Variants in COMMD7 observed in about 807,000 individuals in gnomAD.
COMMD7 encodes the protein COMM domain containing 7.
In COMMD7, 28 loss-of-function variants were observed where a neutral mutation model predicts 34.8. The ratio of observed to expected loss-of-function variants is 0.80; its 90% confidence interval spans 0.60 to 1.10. The LOEUF (loss-of-function observed/expected upper bound fraction) is 1.10, where lower values mean the gene tolerates loss of function less well. Among genes scored for constraint, COMMD7 ranks in the 50% least tolerant of loss-of-function variants. The pLI, the probability that COMMD7 is intolerant of heterozygous loss-of-function variation, is 0.00. For synonymous variants in COMMD7, 80 were observed against 86.4 expected (o/e 0.93, Z 0.41); for missense variants, 211 against 241.6 (o/e 0.87, Z 0.84).
chr20:32,725,650 G>A (rs1350697055), intron 3 of COMMD7, among the ~76,000 whole-genome samples: 3 of 151,972 alleles, frequency 2.0e-5, no homozygotes, highest in Non-Finnish European at 2.9e-5. Flanking sequence ...GGATGGTCTC[G>A]ATCTCCTGAC....
chr20:32,724,950 T>TAAA (rs1568786737), intron 3 of COMMD7, among the ~76,000 whole-genome samples: 1 of 89,984 alleles, frequency 1.1e-5, no homozygotes, highest in African/African-American at 4.2e-5. Context: ...AAAAATAAAT[T>TAAA]TAAAAAAAAA....
At chr20:32,704,739 T>C (rs745364490) in intron 6 of COMMD7, 75 bp downstream of exon 6, 18 of 1,077,860 alleles carry the variant, frequency 1.7e-5, no homozygotes, top group Admixed American at 3.5e-5. Context: ...GCCTTCCCCA[T>C]AGTGGCTGTG....
chr20:32,718,639 C>T (rs1425620124), intron 3 of COMMD7, among the ~76,000 whole-genome samples: 1 of 152,116 alleles, frequency 6.6e-6, no homozygotes, highest in Non-Finnish European at 1.5e-5. Context: ...GCGGAGGTTG[C>T]AGTGAGCAGA....
Position 32,706,686 on chromosome 20 carries a change from C to A in COMMD7, c.298+18G>T, listed in dbSNP as rs1460792989. 1.9e-6 allele frequency: 3 copies of A among 1,613,748 alleles called. No homozygotes were observed. Among genetic ancestry groups the A allele is most frequent in the Admixed American group, 1.7e-5 (1 of 59,990 alleles). On this transcript the variant is annotated intron_variant, in intron 4 of 8. Transcript: ENST00000278980. ...CTCAGAAGCCAGTCACCCTGAGCAA[C>A]CCTGGCCAATGACCTACCCAGAGTT...
intron 3 of COMMD7, among the ~76,000 whole-genome samples, chr20:32,714,160 T>C (rs914833565): frequency 2.0e-5 from 3 of 151,816 alleles, no homozygotes; most frequent in African/African-American, 7.3e-5. Context: ...GAAAGTGCCA[T>C]GGAGAAAAAT....
chr20:32,708,152 T>G (rs1984211861), intron 3 of COMMD7, among the ~76,000 whole-genome samples: 1 of 152,192 alleles, frequency 6.6e-6, no homozygotes, highest in East Asian at 1.9e-4. Context: ...GTCACCTTGT[T>G]TTGCTAGGCT....
chr20:32,705,774 A>G (rs1165493705), intron 5 of COMMD7, among the ~76,000 whole-genome samples: 2 of 152,188 alleles, frequency 1.3e-5, no homozygotes, highest in African/African-American at 4.8e-5. Flanking sequence ...GATACACTGA[A>G]TAGTGCTGGT....
chr20:32,741,455 A>G (rs1986441431), intron 1 of COMMD7, among the ~76,000 whole-genome samples: 1 of 151,742 alleles, frequency 6.6e-6, no homozygotes, highest in East Asian at 1.9e-4. Context: ...CAGTGGTGCA[A>G]TCGCAGCTTA....
chr20:32,713,027 C>T (rs188281122), intron 3 of COMMD7, among the ~76,000 whole-genome samples: 13 of 150,170 alleles, frequency 8.7e-5, no homozygotes, highest in Admixed American at 4.7e-4. Context: ...CCACTGTGCC[C>T]GTCCTCTTTC....
intron 1 of COMMD7, among the ~76,000 whole-genome samples, chr20:32,730,442 C>T (rs61236614): frequency 0.011 from 1,739 of 152,236 alleles, 31 homozygotes; most frequent in African/African-American, 0.039. Flanking sequence ...GTAATCCTAG[C>T]TACTCAGGAG....
chr20:32,726,973 G>A (rs549437812), intron 3 of COMMD7, among the ~76,000 whole-genome samples: 1 of 152,124 alleles, frequency 6.6e-6, no homozygotes, highest in Non-Finnish European at 1.5e-5. Flanking sequence ...GCTTATACCT[G>A]TAATCCTAGC....
In COMMD7 at chr20:32,739,865, A is replaced by G. The variant is rs1174817198; in HGVS notation, c.84+3443T>C. ...AAAGCCCATCTCTACTAAAAATACA[A>G]GAAAAAATTAGATGGGCATGGTGGT... On this transcript the variant is annotated intron_variant, in intron 1 of 8. Transcript: ENST00000278980. Among the ~76,000 whole-genome samples the G allele has an allele frequency of 1.4e-5, 2 of 140,316 alleles. 1 individual carries two copies. Among genetic ancestry groups the G allele is most frequent in the Non-Finnish European group, 3.1e-5 (2 of 64,890 alleles). 92.1% of individuals were successfully genotyped at this position (140,316 alleles called of 152,430 possible).
intron 1 of COMMD7, among the ~76,000 whole-genome samples, chr20:32,739,456 T>C (rs375101688): frequency 1.3e-5 from 2 of 151,322 alleles, no homozygotes; most frequent in East Asian, 3.9e-4. Context: ...CCATCCTCAC[T>C]AAAGCGGTGA....
chr20:32,728,021 C>T (rs758021388), intron 2 of COMMD7, 26 bp from the exon 3 acceptor site: 11 of 1,612,652 alleles, frequency 6.8e-6, no homozygotes, highest in Middle Eastern at 1.7e-4. Context: ...AGTGAAAACC[C>T]GGGCCTTCAC....
rs143866291 is a variant in COMMD7 at position 32,707,564 on chromosome 20, C to T, written c.242-804G>A. 4.4e-3 allele frequency among the ~76,000 whole-genome samples: 676 copies of T among 152,018 alleles called. 6 individuals carry two copies. Among genetic ancestry groups the T allele is most frequent in the African/African-American group, 0.015 (643 of 41,492 alleles). On this transcript the variant is annotated intron_variant, in intron 3 of 8. Coordinates refer to ENST00000278980, the MANE Select transcript of COMMD7 (RefSeq NM_053041.3). ...TGAACTATTGACCTCAAGTGATCTG[C>T]TCACCTTGGCCTCCCAAAGTGCTAG...
At position 32,727,526 on chromosome 20, in the gene COMMD7, TTC is replaced by T. The variant is rs1039225301; in HGVS notation, c.241+365_241+366del. On this transcript the variant is annotated intron_variant, in intron 3 of 8. Coordinates refer to ENST00000278980, the MANE Select transcript of COMMD7 (RefSeq NM_053041.3). ...ACTTCAGCCTGGCGACAGAGAAAGA[TTC>T]TGTCTCAAAAAAAAAAAAAAAAAAA... Among the ~76,000 whole-genome samples the T allele has an allele frequency of 4.2e-5, 6 of 142,388 alleles. No homozygotes were observed. The South Asian group carries it at 7.1e-4, about 17-fold the overall frequency. 93.4% of individuals were successfully genotyped at this position (142,388 alleles called of 152,430 possible).
chr20:32,712,386 T>C (rs1427902037), intron 3 of COMMD7, among the ~76,000 whole-genome samples: 1 of 151,106 alleles, frequency 6.6e-6, no homozygotes, highest in Non-Finnish European at 1.5e-5. Context: ...CATGCATCTG[T>C]AGTCCCAGCT....
At chr20:32,709,686 G>A (rs1347343899) in intron 3 of COMMD7, among the ~76,000 whole-genome samples, 1 of 151,950 alleles carries the variant, frequency 6.6e-6, no homozygotes, top group African/African-American at 2.4e-5. Context: ...GCATGCTCTG[G>A]CCTCCTCTTA....
At chr20:32,721,480 T>TA (rs1278297216) in intron 3 of COMMD7, among the ~76,000 whole-genome samples, 1 of 150,874 alleles carries the variant, frequency 6.6e-6, no homozygotes, top group Non-Finnish European at 1.5e-5. Context: ...CAGGACGGCT[T>TA]ACGCCTGTAA....
Sources: gnomAD v4.1 joint callset for allele counts (sites outside exome capture counted in the v4.1 genomes callset) on GRCh38, gnomAD v4.1.1 for gene constraint, MANE v1.5 for transcripts, NCBI Gene and HGNC (gene_info 2026-07-23, HGNC 2026-07-21) for gene names.